Variants in TRIM36 observed in about 807,000 individuals in gnomAD.
TRIM36 encodes tripartite motif containing 36, also known as E3 ubiquitin-protein ligase TRIM36.
In TRIM36, 42 loss-of-function variants were observed where a neutral mutation model predicts 72.4. That is an observed-to-expected ratio of 0.58 (90% CI 0.45 to 0.75). The LOEUF (loss-of-function observed/expected upper bound fraction) is 0.75. TRIM36 is among the 30% of genes least tolerant of loss of function. The pLI, the probability that TRIM36 is intolerant of heterozygous loss-of-function variation, is 0.00. For missense variants in TRIM36, 913 were observed against 857.1 expected, an observed-to-expected ratio of 1.07 and a Z score of -0.81; for synonymous variants, 315 against 282.8, an observed-to-expected ratio of 1.11 and a Z score of -1.14.
chr5:115,180,073 C>T (rs1025311803), exon 1 of TRIM36: 2 of 1,591,588 alleles, frequency 1.3e-6, no homozygotes, highest in African/African-American at 1.3e-5. Context: ...AGGACCGACG[C>T]GGGTGTATCG....
chr5:115,174,634 C>T (rs913870220), upstream of TRIM36, among the ~76,000 whole-genome samples: 1 of 152,170 alleles, frequency 6.6e-6, no homozygotes, highest in African/African-American at 2.4e-5. Context: ...CCAAATCCTC[C>T]TCATCTTTCA....
intron 4 of TRIM36, 45 bp downstream of exon 4, chr5:115,144,534 AAAAGTTAAAGGCATAAAGT>A: frequency 6.3e-7 from 1 of 1,590,014 alleles, no homozygotes; most frequent in Non-Finnish European, 8.6e-7. Context: ...TTTATAAATG[AAAAGTTAAAGGCATAAAGT>A]AAAGTTACGA....
chr5:115,178,557 A>C (rs992875216), intron 1 of TRIM36, among the ~76,000 whole-genome samples: 1 of 152,120 alleles, frequency 6.6e-6, no homozygotes, highest in Non-Finnish European at 1.5e-5. Context: ...TATGCACCCT[A>C]GGCCCGAAGG....
chr5:115,135,066 C>G lies in TRIM36; in HGVS notation c.1211-919G>C, dbSNP rs192763849. On this transcript the variant is annotated intron_variant, in intron 7 of 9. Transcript: ENST00000513154. ...TGGTATACTACCTACATGGATATAT[C>G]AACATTTAACTGTTTAGTTTTGGAA... is the stretch of plus-strand genomic sequence containing the variant. 3.3e-5 allele frequency among the ~76,000 whole-genome samples: 5 copies of G among 152,246 alleles called. 1 individual carries two copies. The highest frequency in any genetic ancestry group is 3.3e-4 in the Admixed American group (5 of 15,302).
chr5:115,149,569 G>GGA (rs1554063541), intron 2 of TRIM36: 3 of 19,264 alleles, frequency 1.6e-4, no homozygotes, highest in Non-Finnish European at 2.7e-4. Context: ...TCAGAAATTT[G>GGA]AAAAAAAAAA....
Position 115,138,530 on chromosome 5 carries a change from T to C in TRIM36, c.832-914A>G, listed in dbSNP as rs145307031. Among the ~76,000 whole-genome samples the C allele has an allele frequency of 3.3e-3, 510 of 152,314 alleles. 3 individuals are homozygous for C. Among genetic ancestry groups the C allele is most frequent in the African/African-American group, 0.012 (489 of 41,570 alleles). ...TAGCTGTGTGACCATATGCTAATCA[T>C]TTCACTTCTCTTTCTGTTTTTTCTC... On this transcript the variant is annotated intron_variant, in intron 5 of 9. Coordinates refer to ENST00000513154, the MANE Select transcript of TRIM36 (RefSeq NM_001300759.2).
intron 9 of TRIM36, among the ~76,000 whole-genome samples, chr5:115,128,907 G>C (rs571623607): frequency 1.3e-4 from 19 of 151,928 alleles, no homozygotes; most frequent in African/African-American, 4.6e-4. Flanking sequence ...CAATGTCCTA[G>C]GCCTTCAAAT....
chr5:115,141,245 T>A lies in TRIM36; in HGVS notation c.831+34A>T, dbSNP rs372318453. On this transcript the variant is annotated intron_variant, in intron 5 of 9. Transcript: ENST00000513154. ...AATGAATGTCTAGATAAAATAACAA[T>A]AATTTAAAATATGCAAGCTAGTTTA... is the stretch of plus-strand genomic sequence containing the variant. The A allele has an allele frequency of 1.3e-5, 18 of 1,410,210 alleles. No homozygotes were observed. The Admixed American group carries it at 1.8e-4, about 14-fold the overall frequency. The allele number at this position is 1,410,210 out of a possible 1,614,324, so 87.4% of individuals were successfully genotyped here. A position where few individuals can be genotyped will look rare whatever the true frequency, so the allele number is the denominator to read the frequency against.
intron 8 of TRIM36, among the ~76,000 whole-genome samples, chr5:115,132,133 T>C (rs972757461): frequency 6.6e-6 from 1 of 151,672 alleles, no homozygotes; most frequent in East Asian, 1.9e-4. Context: ...GTTCAGGAGT[T>C]TGAGGCCAGC....
chr5:115,155,067 T>TA (rs1344473297), intron 2 of TRIM36, among the ~76,000 whole-genome samples: 2 of 152,048 alleles, frequency 1.3e-5, no homozygotes, highest in Non-Finnish European at 2.9e-5. Flanking sequence ...TGCATGCTTG[T>TA]AATCCCAGCT....
chr5:115,170,058 T>A (rs1414664369), upstream of TRIM36: 55 of 838,560 alleles, frequency 6.6e-5, no homozygotes, highest in Non-Finnish European at 7.8e-5. Flanking sequence ...AGTGGTAGGC[T>A]GAGCGGGACT....
At chr5:115,146,845 T>C (rs987501227) in intron 3 of TRIM36, among the ~76,000 whole-genome samples, 4 of 152,186 alleles carry the variant, frequency 2.6e-5, no homozygotes, top group Admixed American at 1.3e-4. Context: ...TCACACTGGA[T>C]TGTAATAGAA....
rs1227066798 is a variant in TRIM36 at position 115,125,600 on chromosome 5, A to G, written c.*903T>C. The stretch of plus-strand genomic sequence containing the variant: ...ATATGTAATAATTGGGCCAAAAATG[A>G]AAATCACAAAACACAGTAAGGGGGT... On this transcript the variant is annotated 3_prime_UTR_variant, in exon 10 of 10. Transcript: ENST00000513154. 1 of 152,158 alleles carries G rather than the reference A, an allele frequency of 6.6e-6. No homozygotes were observed. Among genetic ancestry groups the G allele is most frequent in the Non-Finnish European group, 1.5e-5 (1 of 67,972 alleles). 9.4% of individuals were successfully genotyped at this position (152,158 alleles called of 1,614,324 possible).
intron 5 of TRIM36, among the ~76,000 whole-genome samples, chr5:115,138,225 A>T (rs1211329370): frequency 2.0e-5 from 3 of 151,940 alleles, no homozygotes; most frequent in African/African-American, 7.3e-5. Flanking sequence ...TCAGCCTCCC[A>T]AGTAGCTGGG....
chr5:115,169,500 T>A, intron 1 of TRIM36, 108 bp downstream of exon 1: 1 of 1,248,070 alleles, frequency 8.0e-7, no homozygotes, highest in Non-Finnish European at 1.1e-6. Context: ...CGCCTGCCTT[T>A]GCTCTCCCGG....
At chr5:115,161,089 GCT>G (rs1229972930) in intron 2 of TRIM36, among the ~76,000 whole-genome samples, 1 of 152,072 alleles carries the variant, frequency 6.6e-6, no homozygotes, top group Admixed American at 6.6e-5. Flanking sequence ...CCCTTTGGGT[GCT>G]CTCTCTTTGT....
chr5:115,142,823 C>T (rs756610416), intron 4 of TRIM36, among the ~76,000 whole-genome samples: 10 of 152,078 alleles, frequency 6.6e-5, no homozygotes, highest in African/African-American at 9.7e-5. Context: ...TAAATCAGGA[C>T]CCCAGTTCTT....
chr5:115,125,645 T>C lies in TRIM36; in HGVS notation c.*858A>G, dbSNP rs1016322925. The C allele has an allele frequency of 2.6e-5, 4 of 152,070 alleles. No individual in the cohort carries two copies. The highest frequency in any genetic ancestry group is 4.4e-5 in the Non-Finnish European group (3 of 67,942). The allele number at this position is 152,070 out of a possible 1,614,324, so 9.4% of individuals were successfully genotyped here. A position where few individuals can be genotyped will look rare whatever the true frequency, so the allele number is the denominator to read the frequency against. On this transcript the variant is annotated 3_prime_UTR_variant, in exon 10 of 10. Transcript: ENST00000513154. ...GGGGGTAAAAGAATAAATATGACTTTTAATATCAGTCCATCTTTACCAATA... is the reference window on the plus strand; with the variant it reads ...GGGGGTAAAAGAATAAATATGACTTCTAATATCAGTCCATCTTTACCAATA...
chr5:115,171,321 G>A, upstream of TRIM36: 2 of 1,524,362 alleles, frequency 1.3e-6, no homozygotes, highest in Non-Finnish European at 1.8e-6. Flanking sequence ...GAGGACGAAA[G>A]CTTTGCCAGG....
Sources: allele counts gnomAD v4.1 joint callset (sites outside exome capture counted in the v4.1 genomes callset), GRCh38; gene constraint gnomAD v4.1.1; transcripts MANE v1.5; gene names NCBI Gene and HGNC (gene_info 2026-07-23, HGNC 2026-07-21).